Variants in SEMA6C observed in about 807,000 individuals in gnomAD.
The protein encoded by SEMA6C is semaphorin 6C, also known as semaphorin-6C.
SEMA6C carries 37 observed loss-of-function variants against 72.9 expected under a neutral mutation model. The observed-to-expected ratio is 0.51, with a 90% CI of 0.39 to 0.67. The LOEUF (loss-of-function observed/expected upper bound fraction) is 0.67. SEMA6C is among the 30% of genes least tolerant of loss of function. SEMA6C has a pLI of 0.00. For missense variants in SEMA6C, 1,189 were observed against 1,263.6 expected (o/e 0.94, Z 0.89); for synonymous variants, 578 against 554.1 (o/e 1.04, Z -0.61).
rs1263957862 is a variant in SEMA6C, at chr1:151,132,521, C to A, written c.2756G>T (p.Arg919Leu). 2 of 1,549,964 alleles carry A rather than the reference C, an allele frequency of 1.3e-6. No individual in the cohort carries two copies. The highest frequency in any genetic ancestry group is 1.7e-6 in the Non-Finnish European group (2 of 1,146,658). Reference sequence around the variant, plus strand: ...ACGGCCGCCGTTCGGGACGGCCTGGCGGGAGGAGGGCCCGACGAGGGGAGG... The same window carrying A: ...ACGGCCGCCGTTCGGGACGGCCTGGAGGGAGGAGGGCCCGACGAGGGGAGG... ...LKPPLVGPSSRQAVPNGGRFN... is the reference protein window; with the variant it reads ...LKPPLVGPSSLQAVPNGGRFN... Residue 919 changes from arginine to leucine, a missense_variant, in exon 19 of 19, where the codon CGC becomes CTC. Physicochemically the swap from Arg to Leu is moderately radical, Grantham distance 102. Transcript: ENST00000368914.
At position 151,132,534 on chromosome 1, in the gene SEMA6C, C is replaced by G; in HGVS notation, c.2743G>C (p.Gly915Arg). The G allele has an allele frequency of 6.4e-7, 1 of 1,550,458 alleles. No homozygotes were observed. Among genetic ancestry groups the G allele is most frequent in the South Asian group, 1.2e-5 (1 of 84,048 alleles). The change falls in exon 19 of 19, where the codon GGG (glycine) becomes CGG (arginine). Residue 915 changes from glycine to arginine, a missense_variant. Coordinates refer to ENST00000368914, the MANE Select transcript of SEMA6C (RefSeq NM_030913.6). Reference protein sequence around the residue: ...PQLSLKPPLVGPSSRQAVPNG... With the variant: ...PQLSLKPPLVRPSSRQAVPNG... Reference sequence around the variant, plus strand: ...GGGACGGCCTGGCGGGAGGAGGGCCCGACGAGGGGAGGCTTCAGGGACAAC... The same window carrying G: ...GGGACGGCCTGGCGGGAGGAGGGCCGGACGAGGGGAGGCTTCAGGGACAAC...
chr1:151,137,890 A>G, intron 9 of SEMA6C, 91 bp from the exon 10 acceptor site: 2 of 1,583,362 alleles, frequency 1.3e-6, no homozygotes, highest in African/African-American at 1.3e-5. Flanking sequence ...CATTGCATAC[A>G]TACACACTAC....
intron 3 of SEMA6C, among the ~76,000 whole-genome samples, chr1:151,141,916 T>C (rs1682585929): frequency 6.6e-6 from 1 of 151,986 alleles, no homozygotes; most frequent in Non-Finnish European, 1.5e-5. Context: ...TACTATTATA[T>C]TCATTTTACA....
chr1:151,133,584 G>C lies in SEMA6C; in HGVS notation c.1760-67C>G. On this transcript the variant is annotated intron_variant, in intron 18 of 18. Coordinates refer to ENST00000368914, the MANE Select transcript of SEMA6C (RefSeq NM_030913.6). This position sits in a 1 kb window ranked among gnomAD's most constrained non-coding sequence, Gnocchi z 5.9. ...GCGGTGCGGGGTACCTAGGCCCAGA[G>C]GCGCCGGCAGTTCCCAGGCCTGACA... is the stretch of plus-strand genomic sequence containing the variant. 1 of 1,439,208 alleles carries C rather than the reference G, an allele frequency of 6.9e-7. No individual in the cohort carries two copies. The allele number at this position is 1,439,208 out of a possible 1,614,324, so 89.2% of individuals were successfully genotyped here.
intron 6 of SEMA6C, among the ~76,000 whole-genome samples, chr1:151,139,092 C>CA (rs887064091): frequency 0.08 from 4,182 of 52,138 alleles, 96 homozygotes; most frequent in Non-Finnish European, 0.09. Flanking sequence ...GACTCCGTCT[C>CA]AAAAAAAAAA....
chr1:151,133,639 C>T lies in SEMA6C; in HGVS notation c.1760-122G>A, dbSNP rs587700606. 120 of 1,407,160 alleles carry T rather than the reference C, an allele frequency of 8.5e-5. No individual in the cohort carries two copies. The highest frequency in any genetic ancestry group is 1.1e-4 in the Non-Finnish European group (118 of 1,073,474). 87.2% of individuals were successfully genotyped at this position (1,407,160 alleles called of 1,614,324 possible). A position where few individuals can be genotyped will look rare whatever the true frequency, so the allele number is the denominator to read the frequency against. On this transcript the variant is annotated intron_variant, in intron 18 of 18. Transcript: ENST00000368914. This position sits in a 1 kb window ranked among gnomAD's most constrained non-coding sequence, Gnocchi z 5.9. Reference sequence around the variant, plus strand: ...CGTCCCTCCCGCTGCTACTCAGCCTCACTCCTACAGCCTCCACCATCCTCA... The same window carrying T: ...CGTCCCTCCCGCTGCTACTCAGCCTTACTCCTACAGCCTCCACCATCCTCA...
chr1:151,133,047 G>T lies in SEMA6C; in HGVS notation c.2230C>A (p.Pro744Thr). Residue 744 changes from proline to threonine, a missense_variant, in exon 19 of 19, where the codon CCC (proline) becomes ACC (threonine). This residue lies in a region of SEMA6C where 721 missense variants were observed against 686.2 expected (regional missense o/e 1.05). Coordinates refer to ENST00000368914, the MANE Select transcript of SEMA6C (RefSeq NM_030913.6). The surrounding 1 kb of genome is among the most constrained non-coding windows in gnomAD (Gnocchi z 5.9). Reference protein sequence around the residue: ...RSRGGHAAGGPAPRVLVRPPP... With the variant: ...RSRGGHAAGGTAPRVLVRPPP... ...GGCCTCACCAGCACGCGGGGCGCGG[G>T]CCCGCCCGCCGCGTGCCCGCCCCGT... The T allele has an allele frequency of 1.4e-6, 2 of 1,412,808 alleles. No homozygotes were observed. The highest frequency in any genetic ancestry group is 9.2e-7 in the Non-Finnish European group (1 of 1,092,416). The allele number at this position is 1,412,808 out of a possible 1,614,324, so 87.5% of individuals were successfully genotyped here.
intron 2 of SEMA6C, among the ~76,000 whole-genome samples, chr1:151,144,115 T>C (rs1194970909): frequency 1.3e-5 from 2 of 152,152 alleles, no homozygotes; most frequent in African/African-American, 2.4e-5. Flanking sequence ...CCTCTGGTGT[T>C]GAAAGGCTGG....
In SEMA6C at chr1:151,138,674, C is replaced by T; in HGVS notation, c.412G>A (p.Ala138Thr). ...GGGCTGAATGAGTTCGTTCCACAGG[C>T]AAGGAGCGTCTGGGAGTCCCAGGGA... ...LVPWDSQTLL[A>T]CGTNSFSPVC... Residue 138 changes from alanine (A) to threonine (T), a missense_variant, in exon 7 of 19, where the codon GCC becomes ACC. Coordinates refer to ENST00000368914, the MANE Select transcript of SEMA6C (RefSeq NM_030913.6). The T allele has an allele frequency of 6.2e-7, 1 of 1,614,208 alleles. No homozygotes were observed. The highest frequency in any genetic ancestry group is 1.3e-5 in the African/African-American group (1 of 75,056).
intron 8 of SEMA6C, 28 bp downstream of exon 8, chr1:151,138,288 C>G (rs1189434345): frequency 6.2e-7 from 1 of 1,610,758 alleles, no homozygotes; most frequent in Non-Finnish European, 8.5e-7. Flanking sequence ...CAGCCACATG[C>G]TTTCTTCTCA....
At position 151,138,639 on chromosome 1, in the gene SEMA6C, G is replaced by A. The variant is rs954683343; in HGVS notation, c.447C>T (p.Arg149=). 6.2e-7 allele frequency: 1 copy of A among 1,613,856 alleles called. No individual in the cohort carries two copies. The highest frequency in any genetic ancestry group is 8.5e-7 in the Non-Finnish European group (1 of 1,179,794). Residue 149 remains arginine, a synonymous_variant, in exon 7 of 19, where the codon CGC becomes CGT. Transcript: ENST00000368914. ...ACCCTCTCTTTTGTACCCCATAGCT[G>A]CGGCACACAGGGCTGAATGAGTTCG... The part of the protein sequence containing the change: ...CGTNSFSPVC[R]SYGITSLQQE...
Position 151,137,817 on chromosome 1 carries a change from A to G in SEMA6C, c.668-18T>C, listed in dbSNP as rs1012216033. The G allele has an allele frequency of 9.3e-6, 15 of 1,611,040 alleles. No homozygotes were observed. Among genetic ancestry groups the G allele is most frequent in the Non-Finnish European group, 1.3e-5 (15 of 1,177,792 alleles). Reference sequence around the variant, plus strand: ...GTGTGGCTCTAAGATGGGGAATGACAGGAAAGGGTATAGAAGAGTATCTGT... The same window carrying G: ...GTGTGGCTCTAAGATGGGGAATGACGGGAAAGGGTATAGAAGAGTATCTGT... On this transcript the variant is annotated intron_variant, in intron 9 of 18. Coordinates refer to ENST00000368914, the MANE Select transcript of SEMA6C (RefSeq NM_030913.6).
chr1:151,133,386 G>A lies in SEMA6C; in HGVS notation c.1891C>T (p.Arg631Cys). Residue 631 changes from arginine to cysteine, a missense_variant, in exon 19 of 19, where the codon CGC (arginine) becomes TGC (cysteine). By Grantham distance (180) the Arg-to-Cys change is radical. Transcript: ENST00000368914. This position sits in a 1 kb window ranked among gnomAD's most constrained non-coding sequence, Gnocchi z 5.9. Reference sequence around the variant, plus strand: ...TCCTTGCCCCGACGTCGGTGGGCGCGGCGACAAGCACAGGAGACCAGGAGG... The same window carrying A: ...TCCTTGCCCCGACGTCGGTGGGCGCAGCGACAAGCACAGGAGACCAGGAGG... Reference protein sequence around the residue: ...SGLLVSCACRRAHRRRGKDIE... With the variant: ...SGLLVSCACRCAHRRRGKDIE... The A allele has an allele frequency of 6.3e-7, 1 of 1,599,190 alleles. No individual in the cohort carries two copies. Among genetic ancestry groups the A allele is most frequent in the Non-Finnish European group, 8.5e-7 (1 of 1,175,492 alleles).
chr1:151,133,283 G>T lies in SEMA6C; in HGVS notation c.1994C>A (p.Pro665Gln). ...CGCGTCCCCGTCCTTGGAGGGCGGC[G>T]GGGGCTCTGGGCCCCCACCGTGGAG... ...ARLHGGGPEP[P>Q]PPSKDGDAVQ... Residue 665 changes from proline to glutamine, a missense_variant, in exon 19 of 19, where the codon CCG becomes CAG. By Grantham distance (76) the Pro-to-Gln change is moderately conservative (BLOSUM62 -1). This residue lies in a region of SEMA6C where 721 missense variants were observed against 686.2 expected (regional missense o/e 1.05). Transcript: ENST00000368914. The surrounding 1 kb of genome is among the most constrained non-coding windows in gnomAD (Gnocchi z 5.9). 1 of 1,577,544 alleles carries T rather than the reference G, an allele frequency of 6.3e-7. No homozygotes were observed. The highest frequency in any genetic ancestry group is 2.3e-5 in the East Asian group (1 of 43,010).
rs761386841 is a variant in SEMA6C, at chr1:151,140,094, G to C, written c.119-4C>G. 61 of 1,610,902 alleles carry C rather than the reference G, an allele frequency of 3.8e-5. No homozygotes were observed. The highest frequency in any genetic ancestry group is 3.3e-4 in the Middle Eastern group (2 of 6,080). On this transcript the variant is annotated splice_region_variant and splice_polypyrimidine_tract_variant and intron_variant, in intron 3 of 18. Coordinates refer to ENST00000368914, the MANE Select transcript of SEMA6C (RefSeq NM_030913.6). Reference sequence around the variant, plus strand: ...AACCAGGATAATGGGGAAGTACCTTGAGGACACAGAGAGATAGGATTCTGA... The same window carrying C: ...AACCAGGATAATGGGGAAGTACCTTCAGGACACAGAGAGATAGGATTCTGA...
chr1:151,142,295 C>T (rs1003725767), intron 3 of SEMA6C, among the ~76,000 whole-genome samples: 3 of 152,150 alleles, frequency 2.0e-5, no homozygotes, highest in East Asian at 3.8e-4. Flanking sequence ...AACCTCCACA[C>T]GATGCTGCCT....
chr1:151,143,492 C>T (rs755775435), intron 2 of SEMA6C, among the ~76,000 whole-genome samples: 3 of 152,140 alleles, frequency 2.0e-5, no homozygotes, highest in Non-Finnish European at 4.4e-5. Flanking sequence ...AGCAGACCCA[C>T]CCCCTATGAG....
At position 151,140,179 on chromosome 1, in the gene SEMA6C, G is replaced by C. The variant is rs147551668; in HGVS notation, c.119-89C>G. The C allele has an allele frequency of 2.9e-4, 295 of 1,032,984 alleles. 4 individuals carry two copies. The East Asian group carries it at 6.5e-3, about 23-fold the overall frequency. The allele number at this position is 1,032,984 out of a possible 1,614,324, so 64.0% of individuals were successfully genotyped here. A position where few individuals can be genotyped will look rare whatever the true frequency, so the allele number is the denominator to read the frequency against. On this transcript the variant is annotated intron_variant, in intron 3 of 18. Transcript: ENST00000368914. ...CAGATGAAACCCAGCAGTGGACACA[G>C]TGGATGTGTGAGGTTAGAGTGCCCA...
rs988608587 is a variant in SEMA6C at position 151,132,752 on chromosome 1, GGAGCGGGGGCGGA to G, written c.2512_2524del (p.Ser838ProfsTer56). ...CCGGCCTCCGCCGACGCCCAGCCGG[GGAGCGGGGGCGGA>G]GAGCGCGGGCCGGGCGGGGGCAGAG... On this transcript the variant is annotated frameshift_variant, in exon 19 of 19. Coordinates refer to ENST00000368914, the MANE Select transcript of SEMA6C (RefSeq NM_030913.6). LOFTEE classifies it low-confidence loss of function (END_TRUNC). 1.4e-6 allele frequency: 2 copies of G among 1,445,650 alleles called. No homozygotes were observed. The highest frequency in any genetic ancestry group is 2.9e-5 in the African/African-American group (2 of 68,132). 89.6% of individuals were successfully genotyped at this position (1,445,650 alleles called of 1,614,324 possible).
Sources: allele counts gnomAD v4.1 joint callset (sites outside exome capture counted in the v4.1 genomes callset), GRCh38; gene constraint gnomAD v4.1.1; regional missense constraint gnomAD v4.1.1; non-coding constraint Gnocchi (gnomAD v3.1); transcripts MANE v1.5; gene names NCBI Gene and HGNC (gene_info 2026-07-23, HGNC 2026-07-21).